The following RAB2A variants were observed in gnomAD, a reference collection of about 807,000 sequenced individuals.
RAB2A encodes the protein ras-related protein Rab-2A.
In RAB2A, 7 loss-of-function variants were observed where a neutral mutation model predicts 32.5. The observed-to-expected ratio is 0.22, with a 90% CI of 0.12 to 0.40. The LOEUF is 0.40. RAB2A is among the 10% of genes least tolerant of loss of function. RAB2A has a pLI of 1.00. For missense variants in RAB2A, 108 were observed against 260.7 expected (o/e 0.41, Z 4.03); for synonymous variants, 79 against 85.2 (o/e 0.93, Z 0.40).
intron 1 of RAB2A, among the ~76,000 whole-genome samples, chr8:60,517,883 G>A (rs1807234715): frequency 1.3e-5 from 2 of 152,138 alleles, no homozygotes; most frequent in African/African-American, 4.8e-5. Context: ...TTGACGGCTG[G>A]AGAATCCCTT....
intron 6 of RAB2A, among the ~76,000 whole-genome samples, chr8:60,611,112 G>A (rs1056002894): frequency 9.2e-5 from 14 of 152,152 alleles, no homozygotes; most frequent in South Asian, 2.1e-4. Context: ...TTTGAGCTTT[G>A]CCATTCATTC....
intron 6 of RAB2A, among the ~76,000 whole-genome samples, chr8:60,615,054 G>A (rs1804425813): frequency 6.6e-6 from 1 of 152,170 alleles, no homozygotes; most frequent in African/African-American, 2.4e-5. Flanking sequence ...GAAATCATTT[G>A]ACATCAGTTT....
intron 6 of RAB2A, among the ~76,000 whole-genome samples, chr8:60,597,451 G>C (rs1052735490): frequency 6.6e-6 from 1 of 152,062 alleles, no homozygotes; most frequent in South Asian, 2.1e-4. Flanking sequence ...TGGGGGGTGG[G>C]GGCCTAGGGG....
Position 60,622,278 on chromosome 8 carries a change from T to C in RAB2A, c.*1509T>C, listed in dbSNP as rs913640902. ...GTTCTAACTCTGAAACTAACTACTT[T>C]CATTTCGCTCATGGCCTTCAACTTT... On this transcript the variant is annotated 3_prime_UTR_variant, in exon 8 of 8. Coordinates refer to ENST00000262646, the MANE Select transcript of RAB2A (RefSeq NM_002865.3). 1 of 152,240 alleles carries C rather than the reference T, an allele frequency of 6.6e-6. No homozygotes were observed. Among genetic ancestry groups the C allele is most frequent in the Non-Finnish European group, 1.5e-5 (1 of 68,040 alleles). The allele number at this position is 152,240 out of a possible 1,614,324, so 9.4% of individuals were successfully genotyped here. A position where few individuals can be genotyped will look rare whatever the true frequency, so the allele number is the denominator to read the frequency against.
rs558276102 is a variant in RAB2A, at chr8:60,570,329, A to G, written c.119-1717A>G. ...TCTTTCTCATTTGTAGGTAGAAACA[A>G]TAAATTCATGAAAAAGCCTCTACTC... On this transcript the variant is annotated intron_variant, in intron 2 of 7. Transcript: ENST00000262646. Among the ~76,000 whole-genome samples the G allele has an allele frequency of 1.1e-4, 16 of 152,322 alleles. 1 individual carries two copies. Among genetic ancestry groups the G allele is most frequent in the South Asian group, 1.0e-3 (5 of 4,830 alleles).
intron 3 of RAB2A, among the ~76,000 whole-genome samples, chr8:60,581,085 A>C (rs1803741261): frequency 6.6e-6 from 1 of 152,252 alleles, no homozygotes; most frequent in South Asian, 2.1e-4. Context: ...CTGAAATTGC[A>C]GATAGTGCTG....
chr8:60,605,639 A>G (rs867018067), intron 6 of RAB2A, among the ~76,000 whole-genome samples: 37 of 152,160 alleles, frequency 2.4e-4, no homozygotes, highest in Middle Eastern at 6.8e-3. Flanking sequence ...TGGAGTCAAA[A>G]GATTATTTTG....
At chr8:60,617,043 GCTTT>G (rs1191918526) in intron 6 of RAB2A, among the ~76,000 whole-genome samples, 3 of 152,142 alleles carry the variant, frequency 2.0e-5, no homozygotes, top group Non-Finnish European at 4.4e-5. Context: ...ATGGAGTATA[GCTTT>G]CTTTTATGAA....
At chr8:60,584,394 C>A in intron 4 of RAB2A, 104 bp downstream of exon 4, 1 of 929,694 alleles carries the variant, frequency 1.1e-6, no homozygotes, top group Non-Finnish European at 1.7e-6. Flanking sequence ...TCTGCCCCGG[C>A]TACTCACCTT....
At chr8:60,534,113 A>T (rs1273702857) in intron 1 of RAB2A, among the ~76,000 whole-genome samples, 1 of 152,214 alleles carries the variant, frequency 6.6e-6, no homozygotes, top group Non-Finnish European at 1.5e-5. Context: ...TAATAAAAAT[A>T]TGTACGAAGT....
At chr8:60,609,949 A>C in intron 6 of RAB2A, among the ~76,000 whole-genome samples, 1 of 131,610 alleles carries the variant, frequency 7.6e-6, no homozygotes, top group Non-Finnish European at 1.6e-5. Context: ...ACAAAGGGAG[A>C]CCCTGTGTCT....
At chr8:60,594,684 C>T (rs537701682) in intron 6 of RAB2A, among the ~76,000 whole-genome samples, 1 of 152,124 alleles carries the variant, frequency 6.6e-6, no homozygotes, top group Non-Finnish European at 1.5e-5. Flanking sequence ...GCCCTGTGTC[C>T]AAGTGTTCTC....
At chr8:60,533,194 C>T (rs531498187) in intron 1 of RAB2A, among the ~76,000 whole-genome samples, 6 of 152,194 alleles carry the variant, frequency 3.9e-5, no homozygotes, top group South Asian at 2.1e-4. Context: ...AGTAATAAAG[C>T]GAACAAAAGA....
chr8:60,542,766 T>C (rs959893376), intron 1 of RAB2A, among the ~76,000 whole-genome samples: 1 of 152,202 alleles, frequency 6.6e-6, no homozygotes, highest in Non-Finnish European at 1.5e-5. Context: ...TCCATTTCTT[T>C]TTTTAATTGA....
intron 2 of RAB2A, among the ~76,000 whole-genome samples, chr8:60,560,065 G>A (rs1485994344): frequency 6.6e-6 from 1 of 152,130 alleles, no homozygotes; most frequent in East Asian, 1.9e-4. Flanking sequence ...GGTAACTCAT[G>A]CTGGTCCTGA....
chr8:60,613,871 A>G (rs1804403169), intron 6 of RAB2A, among the ~76,000 whole-genome samples: 1 of 152,200 alleles, frequency 6.6e-6, no homozygotes, highest in Non-Finnish European at 1.5e-5. Context: ...GACTTTTAGC[A>G]GTTGAGAAGA....
chr8:60,568,286 C>T (rs558623523), intron 2 of RAB2A, among the ~76,000 whole-genome samples: 8 of 152,338 alleles, frequency 5.3e-5, no homozygotes, highest in African/African-American at 1.9e-4. Context: ...CCAGCCTTAC[C>T]TAGGTAAGGA....
intron 1 of RAB2A, among the ~76,000 whole-genome samples, chr8:60,518,165 T>A (rs563729276): frequency 1.6e-3 from 244 of 152,218 alleles, no homozygotes; most frequent in Non-Finnish European, 3.0e-3. Context: ...TTCGTAGATA[T>A]TTTTAATACC....
At chr8:60,573,181 A>G (rs1005411168) in intron 3 of RAB2A, among the ~76,000 whole-genome samples, 2 of 152,228 alleles carry the variant, frequency 1.3e-5, no homozygotes, top group African/African-American at 2.4e-5. Flanking sequence ...GCATTAGGAG[A>G]TAATTCTTCA....
Sources: gnomAD v4.1 joint callset for allele counts (sites outside exome capture counted in the v4.1 genomes callset) on GRCh38, gnomAD v4.1.1 for gene constraint, MANE v1.5 for transcripts, NCBI Gene and HGNC (gene_info 2026-07-23, HGNC 2026-07-21) for gene names.